The following DNM3 variants were observed in gnomAD, a reference collection of about 807,000 sequenced individuals.
DNM3 encodes dynamin-3.
In DNM3, 47 loss-of-function variants were observed where a neutral mutation model predicts 101.6. The ratio of observed to expected loss-of-function variants is 0.46; its 90% CI spans 0.37 to 0.59. DNM3 has a LOEUF of 0.59. DNM3 is among the 20% of genes least tolerant of loss of function. DNM3 has a pLI of 0.00. For missense variants in DNM3, 849 were observed against 1,085.7 expected (o/e 0.78, Z 3.06); for synonymous variants, 385 against 387.9 (o/e 0.99, Z 0.09).
At chr1:172,067,845 G>A (rs1161805066) in intron 10 of DNM3, among the ~76,000 whole-genome samples, 4 of 152,152 alleles carry the variant, frequency 2.6e-5, no homozygotes, top group Admixed American at 6.6e-5. Context: ...TTTTCTGTGG[G>A]GGAGAATTTA....
At chr1:172,074,392 C>T (rs369189917) in intron 11 of DNM3, among the ~76,000 whole-genome samples, 4 of 151,906 alleles carry the variant, frequency 2.6e-5, no homozygotes, top group African/African-American at 4.8e-5. Context: ...GGTATGCACG[C>T]GCCATGGTGG....
Position 172,408,761 on chromosome 1 carries a change from A to G in DNM3, c.*920A>G. On this transcript the variant is annotated 3_prime_UTR_variant, in exon 21 of 21. Transcript: ENST00000627582. ...ATTATTTTGGTTGGAAAAAAAATTC[A>G]CTCTTTACGTGCTAATTTGTAATCT... 8 of 985,118 alleles carry G rather than the reference A, an allele frequency of 8.1e-6. No homozygotes were observed. The highest frequency in any genetic ancestry group is 9.6e-6 in the Non-Finnish European group (8 of 829,766). The allele number at this position is 985,118 out of a possible 1,614,324, so 61.0% of individuals were successfully genotyped here. A position where few individuals can be genotyped will look rare whatever the true frequency, so the allele number is the denominator to read the frequency against.
rs2058535839 is a variant in DNM3 at position 172,161,263 on chromosome 1, G to A, written c.1659+29975G>A. 2.6e-5 allele frequency among the ~76,000 whole-genome samples: 4 copies of A among 151,096 alleles called. 1 individual carries two copies. In the South Asian group the frequency reaches 8.3e-4, roughly 31 times the overall value. On this transcript the variant is annotated intron_variant, in intron 14 of 20. Transcript: ENST00000627582. ...GTGGTGCTTGCCATTCAGTGAAACAGTGGATAAAGAACAGAAAGCAGTTCA... is the reference window on the plus strand; with the variant it reads ...GTGGTGCTTGCCATTCAGTGAAACAATGGATAAAGAACAGAAAGCAGTTCA...
At chr1:171,905,831 G>T (rs754359286) in intron 1 of DNM3, among the ~76,000 whole-genome samples, 1 of 151,918 alleles carries the variant, frequency 6.6e-6, no homozygotes, top group East Asian at 1.9e-4. Flanking sequence ...GATTGTGAGG[G>T]TGAAAACCAT....
intron 13 of DNM3, among the ~76,000 whole-genome samples, chr1:172,102,308 G>A (rs528053631): frequency 6.6e-6 from 1 of 152,086 alleles, no homozygotes; most frequent in South Asian, 2.1e-4. Flanking sequence ...CTCCAAAGGG[G>A]CCAGTCAATA....
At chr1:171,903,084 G>C (rs1486437533) in intron 1 of DNM3, among the ~76,000 whole-genome samples, 1 of 151,966 alleles carries the variant, frequency 6.6e-6, no homozygotes, top group Non-Finnish European at 1.5e-5. Flanking sequence ...GAGCCCAGGA[G>C]GTCAACGCTG....
At chr1:172,067,907 G>A (rs1056334007) in intron 10 of DNM3, among the ~76,000 whole-genome samples, 1 of 152,180 alleles carries the variant, frequency 6.6e-6, no homozygotes, top group Non-Finnish European at 1.5e-5. Context: ...TGCTCGAAGA[G>A]TAATGGACAA....
intron 2 of DNM3, among the ~76,000 whole-genome samples, chr1:171,979,829 G>A (rs2044653147): frequency 6.6e-6 from 1 of 152,176 alleles, no homozygotes; most frequent in Non-Finnish European, 1.5e-5. Context: ...TGTTCAACTG[G>A]CTTCGGCTTT....
chr1:172,360,044 C>T (rs1334858412), intron 17 of DNM3, among the ~76,000 whole-genome samples: 1 of 151,970 alleles, frequency 6.6e-6, no homozygotes, highest in Non-Finnish European at 1.5e-5. Flanking sequence ...TACTTTAGCA[C>T]ACTAAAATTG....
At chr1:171,996,242 A>G (rs915158350) in intron 4 of DNM3, among the ~76,000 whole-genome samples, 1 of 152,162 alleles carries the variant, frequency 6.6e-6, no homozygotes, top group African/African-American at 2.4e-5. Flanking sequence ...CATAATTTCA[A>G]GGGGAATGGC....
intron 15 of DNM3, among the ~76,000 whole-genome samples, chr1:172,292,314 C>A (rs188979645): frequency 8.2e-4 from 125 of 152,246 alleles, no homozygotes; most frequent in African/African-American, 2.7e-3. Flanking sequence ...ATAAATGGCA[C>A]AAAATGGATT....
rs1020722286 is a variant in DNM3, at chr1:172,092,879, G to C, written c.1545+4G>C. 64 of 1,557,042 alleles carry C rather than the reference G, an allele frequency of 4.1e-5. No individual in the cohort carries two copies. Among genetic ancestry groups the C allele is most frequent in the Non-Finnish European group, 5.4e-5 (62 of 1,149,456 alleles). On this transcript the variant is annotated splice_donor_region_variant and intron_variant, in intron 13 of 20. Transcript: ENST00000627582. ...GAAAACCACAGTTGGAAATCAGGTAGGAATTGCATAAGAGAATCAGTGTAT... is the reference window on the plus strand; with the variant it reads ...GAAAACCACAGTTGGAAATCAGGTACGAATTGCATAAGAGAATCAGTGTAT...
At chr1:171,983,130 T>C (rs2044937508) in intron 2 of DNM3, among the ~76,000 whole-genome samples, 1 of 152,068 alleles carries the variant, frequency 6.6e-6, no homozygotes. Context: ...GCCCTCTCCC[T>C]TCTCTCCTCT....
At chr1:172,193,121 T>C (rs921646424) in intron 14 of DNM3, among the ~76,000 whole-genome samples, 1 of 152,086 alleles carries the variant, frequency 6.6e-6, no homozygotes, top group Admixed American at 6.6e-5. Flanking sequence ...ATTTCTCTGA[T>C]GGCCAGTGAT....
At chr1:171,969,359 A>G (rs1042933711) in intron 2 of DNM3, among the ~76,000 whole-genome samples, 3 of 152,226 alleles carry the variant, frequency 2.0e-5, no homozygotes, top group Non-Finnish European at 2.9e-5. Flanking sequence ...AATGAGCACA[A>G]AGAACAATGA....
At chr1:172,042,748 G>A (rs1025188838) in intron 8 of DNM3, among the ~76,000 whole-genome samples, 3 of 152,110 alleles carry the variant, frequency 2.0e-5, no homozygotes, top group African/African-American at 7.2e-5. Flanking sequence ...GGCTGATGAA[G>A]GAGAGGGGCA....
At chr1:172,208,244 G>A (rs2060389380) in intron 14 of DNM3, among the ~76,000 whole-genome samples, 1 of 152,036 alleles carries the variant, frequency 6.6e-6, no homozygotes, top group South Asian at 2.1e-4. Flanking sequence ...CTCTTTAAAT[G>A]TAAGGATCTA....
chr1:172,070,499 A>G (rs1293306312), intron 11 of DNM3, among the ~76,000 whole-genome samples: 1 of 152,246 alleles, frequency 6.6e-6, no homozygotes, highest in Non-Finnish European at 1.5e-5. Flanking sequence ...GAGAAAATAT[A>G]GGATAATTAT....
chr1:172,189,067 TC>T (rs1179691029), intron 14 of DNM3, among the ~76,000 whole-genome samples: 2 of 152,092 alleles, frequency 1.3e-5, no homozygotes, highest in Admixed American at 1.3e-4. Context: ...TACATGCAGT[TC>T]TTTTTCGAGT....
Sources: gnomAD v4.1 joint callset for allele counts (sites outside exome capture counted in the v4.1 genomes callset) on GRCh38, gnomAD v4.1.1 for gene constraint, MANE v1.5 for transcripts, NCBI Gene and HGNC (gene_info 2026-07-23, HGNC 2026-07-21) for gene names.